CELF4: variants seen among roughly 807,000 people sequenced by gnomAD.
CELF4 encodes CUG-BP- and ETR-3-like factor 4.
In CELF4, 18 loss-of-function variants were observed where a neutral mutation model predicts 59.9. The observed-to-expected ratio is 0.30, with a 90% CI of 0.21 to 0.45. CELF4 has a LOEUF of 0.45. CELF4 is among the 20% of genes least tolerant of loss of function. The pLI is 1.00. For synonymous variants in CELF4, 261 were observed against 267.1 expected (o/e 0.98, Z 0.22); for missense variants, 456 against 689.0 (o/e 0.66, Z 3.79).
intron 2 of CELF4, among the ~76,000 whole-genome samples, chr18:37,333,738 ATCC>A (rs1569565698): frequency 2.8e-4 from 42 of 148,202 alleles, no homozygotes; most frequent in African/African-American, 9.7e-4. Context: ...CCATCCATCC[ATCC>A]ATCCATCCAT....
intron 1 of CELF4, among the ~76,000 whole-genome samples, chr18:37,531,620 G>A (rs2099969673): frequency 6.6e-6 from 1 of 152,190 alleles, no homozygotes; most frequent in Admixed American, 6.5e-5. Flanking sequence ...CTTTAAGAAA[G>A]TAAAGGACTT....
intron 3 of CELF4, among the ~76,000 whole-genome samples, chr18:37,290,900 G>GTTTTAT (rs973363586): frequency 6.6e-5 from 10 of 152,162 alleles, no homozygotes; most frequent in African/African-American, 2.4e-4. Context: ...ACAATTTTCA[G>GTTTTAT]TTTTATTTTT....
In CELF4 at chr18:37,348,897, C is replaced by T. The variant is rs144174715; in HGVS notation, c.370-27016G>A. On this transcript the variant is annotated intron_variant, in intron 2 of 12. Transcript: ENST00000420428. ...ACCCTGGGGCTGCTTAGAGACTCCC[C>T]CAGGGGAGCTGCACTGGGGGGTCTC... is the stretch of plus-strand genomic sequence containing the variant. Among the ~76,000 whole-genome samples the T allele has an allele frequency of 5.0e-3, 761 of 152,238 alleles. 8 individuals are homozygous for T. Among genetic ancestry groups the T allele is most frequent in the African/African-American group, 0.018 (740 of 41,538 alleles).
At position 37,506,931 on chromosome 18, in the gene CELF4, G is replaced by A. The variant is rs568439846; in HGVS notation, c.287-21324C>T. Reference sequence around the variant, plus strand: ...AGCTGGAAGGGGGTCAGGCACCCTCGTTTCCTTGGGCCAGATGAAAAGGAG... The same window carrying A: ...AGCTGGAAGGGGGTCAGGCACCCTCATTTCCTTGGGCCAGATGAAAAGGAG... On this transcript the variant is annotated intron_variant, in intron 1 of 12. Coordinates refer to ENST00000420428, the MANE Select transcript of CELF4 (RefSeq NM_020180.4). 4.6e-5 allele frequency among the ~76,000 whole-genome samples: 7 copies of A among 152,258 alleles called. No individual in the cohort carries two copies. In the East Asian group the frequency reaches 7.7e-4, roughly 17 times the overall value.
chr18:37,357,685 C>T (rs1178444824), intron 2 of CELF4, among the ~76,000 whole-genome samples: 2 of 152,208 alleles, frequency 1.3e-5, no homozygotes, highest in East Asian at 1.9e-4. Context: ...CACTCAACAC[C>T]AGCCTGTGAA....
chr18:37,253,683 C>T lies in CELF4; in HGVS notation c.*44+84G>A. On this transcript the variant is annotated intron_variant, in intron 12 of 12. Transcript: ENST00000420428. This position sits in a 1 kb window ranked among gnomAD's most constrained non-coding sequence, Gnocchi z 4.5. ...CGGGTCCAAGGCACCAGTGAGGGTC[C>T]GGCCCACGGAGGCCGGAGGAGGCGG... 2 of 1,077,384 alleles carry T rather than the reference C, an allele frequency of 1.9e-6. No homozygotes were observed. The highest frequency in any genetic ancestry group is 3.0e-5 in the East Asian group (1 of 33,578). The allele number at this position is 1,077,384 out of a possible 1,614,324, so 66.7% of individuals were successfully genotyped here. A position where few individuals can be genotyped will look rare whatever the true frequency, so the allele number is the denominator to read the frequency against.
intron 2 of CELF4, among the ~76,000 whole-genome samples, chr18:37,386,638 G>A (rs1282886112): frequency 6.6e-6 from 1 of 152,152 alleles, no homozygotes; most frequent in Non-Finnish European, 1.5e-5. Flanking sequence ...ACTTGAACAT[G>A]GTGCCATTAA....
At chr18:37,324,895 G>A (rs1287239967) in intron 2 of CELF4, among the ~76,000 whole-genome samples, 1 of 152,172 alleles carries the variant, frequency 6.6e-6, no homozygotes, top group African/African-American at 2.4e-5. Flanking sequence ...AGGTCACAAA[G>A]GTTGTAAATG....
chr18:37,418,545 C>A (rs2099547602), intron 2 of CELF4, among the ~76,000 whole-genome samples: 1 of 152,228 alleles, frequency 6.6e-6, no homozygotes, highest in Non-Finnish European at 1.5e-5. Flanking sequence ...AATCACCTAG[C>A]CCAACCCTGG....
chr18:37,442,568 G>A (rs577468000), intron 2 of CELF4, among the ~76,000 whole-genome samples: 1 of 152,302 alleles, frequency 6.6e-6, no homozygotes, highest in Admixed American at 6.5e-5. Context: ...CTGCTGAAGG[G>A]GGCTTGGCCC....
At chr18:37,430,666 C>G (rs1239106668) in intron 2 of CELF4, among the ~76,000 whole-genome samples, 5 of 152,210 alleles carry the variant, frequency 3.3e-5, no homozygotes, top group African/African-American at 4.8e-5. Context: ...TTCCTCTGAG[C>G]AGAATGGGGG....
intron 2 of CELF4, among the ~76,000 whole-genome samples, chr18:37,355,325 C>T (rs2098544806): frequency 6.6e-6 from 1 of 152,128 alleles, no homozygotes; most frequent in South Asian, 2.1e-4. Context: ...GAGTGTATAT[C>T]TCTGTGTGTG....
intron 1 of CELF4, among the ~76,000 whole-genome samples, chr18:37,495,171 G>A (rs555633798): frequency 1.3e-5 from 2 of 152,304 alleles, no homozygotes; most frequent in Admixed American, 1.3e-4. Flanking sequence ...CTTCCTGTTT[G>A]AATTCTCTTA....
intron 2 of CELF4, among the ~76,000 whole-genome samples, chr18:37,469,374 A>T (rs938430242): frequency 6.6e-6 from 1 of 152,134 alleles, no homozygotes; most frequent in Admixed American, 6.5e-5. Flanking sequence ...AGACAGTTCC[A>T]TGTGAATTTG....
At chr18:37,513,026 C>T (rs2099946329) in intron 1 of CELF4, among the ~76,000 whole-genome samples, 1 of 152,124 alleles carries the variant, frequency 6.6e-6, no homozygotes, top group South Asian at 2.1e-4. Context: ...CATGGTGGAT[C>T]TCAGGGGCAC....
chr18:37,438,183 A>G (rs2099699558), intron 2 of CELF4, among the ~76,000 whole-genome samples: 1 of 152,182 alleles, frequency 6.6e-6, no homozygotes, highest in South Asian at 2.1e-4. Context: ...TGGCAGCCCA[A>G]GTTGCCTAAG....
At chr18:37,250,639 A>C (rs180772554) in intron 12 of CELF4, among the ~76,000 whole-genome samples, 1 of 152,248 alleles carries the variant, frequency 6.6e-6, no homozygotes, top group Non-Finnish European at 1.5e-5. Context: ...GGCCTGTGAT[A>C]CCAGGCAGTA....
intron 2 of CELF4, among the ~76,000 whole-genome samples, chr18:37,391,676 G>A: frequency 6.6e-6 from 1 of 152,198 alleles, no homozygotes; most frequent in Non-Finnish European, 1.5e-5. Context: ...AATGCTGGCT[G>A]GTCCACGTAG....
At chr18:37,517,993 A>G (rs532511297) in intron 1 of CELF4, among the ~76,000 whole-genome samples, 1 of 152,214 alleles carries the variant, frequency 6.6e-6, no homozygotes, top group South Asian at 2.1e-4. Flanking sequence ...ATGATGTTAG[A>G]ACAGTGGGGG....
Sources: gnomAD v4.1 joint callset for allele counts (sites outside exome capture counted in the v4.1 genomes callset) on GRCh38, gnomAD v4.1.1 for gene constraint, Gnocchi (gnomAD v3.1) non-coding constraint, MANE v1.5 for transcripts, NCBI Gene and HGNC (gene_info 2026-07-23, HGNC 2026-07-21) for gene names.